The following GLYATL2 variants were observed in gnomAD, a reference collection of about 807,000 sequenced individuals.
GLYATL2 encodes the protein glycine-N-acyltransferase like 2, also known as glycine N-acyltransferase-like protein 2.
GLYATL2 carries 25 observed loss-of-function variants against 21.4 expected under a neutral mutation model. The observed-to-expected ratio is 1.17, with a 90% confidence interval of 0.85 to 1.63. The LOEUF (loss-of-function observed/expected upper bound fraction) is 1.63, where lower values mean the gene tolerates loss of function less well. GLYATL2 is among the 40% of genes most tolerant of loss of function. The probability of loss-of-function intolerance (pLI) is 0.00; values close to 1 mark genes in which losing one functional copy is unlikely to be tolerated. For missense variants in GLYATL2, 361 were observed against 343.3 expected (o/e 1.05, Z -0.41); for synonymous variants, 114 against 118.2 (o/e 0.96, Z 0.23).
In GLYATL2 at chr11:58,871,973, ATTCT is replaced by A. The variant is rs973821157; in HGVS notation, n.60+32179_60+32182del. On this transcript the variant is annotated intron_variant and non_coding_transcript_variant, in intron 1 of 4. Transcript: ENST00000533636. ...GTTTCCTGACTTTTTAATGATCACC[ATTCT>A]AACTGGTGTGAAATGGTATCTCATT... is the stretch of plus-strand genomic sequence containing the variant. 3.6e-3 allele frequency among the ~76,000 whole-genome samples: 542 copies of A among 152,296 alleles called. 1 individual carries two copies. The highest frequency in any genetic ancestry group is 0.013 in the African/African-American group (523 of 41,550).
At chr11:58,899,611 A>T (rs1435968643) in intron 1 of GLYATL2, among the ~76,000 whole-genome samples, 1 of 152,030 alleles carries the variant, frequency 6.6e-6, no homozygotes, top group Non-Finnish European at 1.5e-5. Flanking sequence ...CTGGCATTTG[A>T]CAGACAGCTG....
At chr11:58,849,938 A>C (rs1480129787) in intron 1 of GLYATL2, among the ~76,000 whole-genome samples, 1 of 152,192 alleles carries the variant, frequency 6.6e-6, no homozygotes, top group Non-Finnish European at 1.5e-5. Flanking sequence ...AGTATAATTA[A>C]AAAAAGATAA....
In GLYATL2 at chr11:58,878,352, T is replaced by C. The variant is rs1039197433; in HGVS notation, n.60+25804A>G. ...TACATGCAGGATCCACTTGTGTCCA[T>C]TGATCTCTCAGAGTGGCTGAGGATC... On this transcript the variant is annotated intron_variant and non_coding_transcript_variant, in intron 1 of 4. Transcript: ENST00000533636. The C allele has an allele frequency of 3.5e-5, 23 of 660,756 alleles. No individual in the cohort carries two copies. In the East Asian group the frequency reaches 7.0e-4, roughly 20 times the overall value. The allele number at this position is 660,756 out of a possible 1,614,324, so 40.9% of individuals were successfully genotyped here.
upstream of GLYATL2, among the ~76,000 whole-genome samples, chr11:58,847,846 G>A (rs943535364): frequency 6.6e-6 from 1 of 152,164 alleles, no homozygotes; most frequent in Non-Finnish European, 1.5e-5. Context: ...AACATAGGCA[G>A]TAGCCAAGGA....
chr11:58,892,690 A>G, intron 1 of GLYATL2: 2 of 356,806 alleles, frequency 5.6e-6, no homozygotes, highest in Admixed American at 7.3e-5. Context: ...GTGAGGGGAT[A>G]AGAGCAGCTG....
At chr11:58,884,647 A>G (rs1854403939) in intron 1 of GLYATL2, among the ~76,000 whole-genome samples, 1 of 152,152 alleles carries the variant, frequency 6.6e-6, no homozygotes, top group Non-Finnish European at 1.5e-5. Context: ...AACTCTTAAT[A>G]TTCACTTTTA....
intron 1 of GLYATL2, among the ~76,000 whole-genome samples, chr11:58,872,743 G>A (rs1343447304): frequency 6.6e-6 from 1 of 152,196 alleles, no homozygotes; most frequent in Non-Finnish European, 1.5e-5. Context: ...TGTTCTTTTG[G>A]CTTAGGATTG....
intron 1 of GLYATL2, among the ~76,000 whole-genome samples, chr11:58,883,071 A>AT (rs888114939): frequency 6.6e-6 from 1 of 152,040 alleles, no homozygotes; most frequent in Admixed American, 6.6e-5. Context: ...ACTTTAAAGT[A>AT]TTTTTTTCCA....
intron 1 of GLYATL2, among the ~76,000 whole-genome samples, chr11:58,858,004 T>C (rs693274): frequency 0.89 from 134,636 of 151,636 alleles, 60,895 homozygotes; most frequent in Non-Finnish European, 0.98. Context: ...CTTTAAAACA[T>C]ACAAGGAAAG....
In GLYATL2 at chr11:58,839,633, C is replaced by T. The variant is rs1260664773; in HGVS notation, c.-21G>A. ...AGCATCTTATGTAGCACTTCAGCTTCTTTCCCTCAAGAAGATGATCTAAGG... is the reference window on the plus strand; with the variant it reads ...AGCATCTTATGTAGCACTTCAGCTTTTTTCCCTCAAGAAGATGATCTAAGG... On this transcript the variant is annotated 5_prime_UTR_variant, in exon 2 of 6. Transcript: ENST00000287275. The T allele has an allele frequency of 1.9e-6, 3 of 1,574,846 alleles. No individual in the cohort carries two copies. The highest frequency in any genetic ancestry group is 2.3e-5 in the South Asian group (2 of 88,358).
upstream of GLYATL2, chr11:58,907,723 G>A (rs1039838066): frequency 1.5e-5 from 3 of 195,782 alleles, no homozygotes; most frequent in South Asian, 9.3e-5. Context: ...ACAACTTTGG[G>A]TGCCAAAAAT....
chr11:58,853,787 A>C (rs1156668325), intron 1 of GLYATL2, among the ~76,000 whole-genome samples: 1 of 152,228 alleles, frequency 6.6e-6, no homozygotes, highest in African/African-American at 2.4e-5. Context: ...TAATTAATAT[A>C]TGCACTATCA....
intron 1 of GLYATL2, among the ~76,000 whole-genome samples, chr11:58,890,262 A>T (rs942421434): frequency 6.6e-6 from 1 of 152,104 alleles, no homozygotes; most frequent in African/African-American, 2.4e-5. Context: ...GTAGTCTGGA[A>T]ATTTCTTAGA....
rs1176139691 is a variant in GLYATL2 at position 58,872,532 on chromosome 11, G to T, written n.60+31624C>A. On this transcript the variant is annotated intron_variant and non_coding_transcript_variant, in intron 1 of 4. Transcript: ENST00000533636. ...AGCCAGTTTTCCCAGCACCATTTAT[G>T]AAATAGGGAATTCTTTCCCCATTGC... Among the ~76,000 whole-genome samples the T allele has an allele frequency of 3.9e-5, 6 of 152,146 alleles. No individual in the cohort carries two copies. In the East Asian group the frequency reaches 5.8e-4, roughly 15 times the overall value.
chr11:58,870,626 GGCA>G (rs1342596387), intron 1 of GLYATL2, among the ~76,000 whole-genome samples: 13 of 152,294 alleles, frequency 8.5e-5, no homozygotes, highest in South Asian at 2.1e-4. Context: ...TACAAATGCT[GGCA>G]GATGACACAA....
intron 1 of GLYATL2, among the ~76,000 whole-genome samples, chr11:58,889,826 C>T (rs1241524104): frequency 6.6e-6 from 1 of 152,040 alleles, no homozygotes; most frequent in East Asian, 1.9e-4. Flanking sequence ...TATTTCCTTG[C>T]CAGATTTGGC....
chr11:58,838,194 C>A, intron 3 of GLYATL2, 67 bp downstream of exon 3: 1 of 1,020,846 alleles, frequency 9.8e-7, no homozygotes, highest in Non-Finnish European at 1.5e-6. Flanking sequence ...AGTTTCAGTT[C>A]CCTCATTGCC....
intron 1 of GLYATL2, among the ~76,000 whole-genome samples, chr11:58,887,483 A>G (rs1854463934): frequency 6.6e-6 from 1 of 152,194 alleles, no homozygotes; most frequent in Non-Finnish European, 1.5e-5. Context: ...AAAATCCAAC[A>G]TGATTTTAAG....
upstream of GLYATL2, chr11:58,908,521 C>A: frequency 9.4e-6 from 2 of 213,300 alleles, no homozygotes; most frequent in South Asian, 1.8e-4. Context: ...AGAGGATGAC[C>A]AGAGGGCTAG....
Sources: gnomAD v4.1 joint callset for allele counts (sites outside exome capture counted in the v4.1 genomes callset) on GRCh38, gnomAD v4.1.1 for gene constraint, MANE v1.5 for transcripts, NCBI Gene and HGNC (gene_info 2026-07-23, HGNC 2026-07-21) for gene names.